The following HYDIN variants were observed in gnomAD, a reference collection of about 807,000 sequenced individuals.
HYDIN encodes HYDIN axonemal central pair apparatus protein.
In HYDIN, 132 loss-of-function variants were observed where a neutral mutation model predicts 403.9. That is an observed-to-expected ratio of 0.33 (90% confidence interval 0.28 to 0.38). The LOEUF is 0.38. HYDIN is among the 10% of genes least tolerant of loss of function. HYDIN has a pLI of 1.00. For missense variants in HYDIN, 2,827 were observed against 5,009.5 expected (o/e 0.56, Z 13.15); for synonymous variants, 1,202 against 1,891.7 (o/e 0.64, Z 9.46).
In HYDIN at chr16:71,069,613, A is replaced by G. The variant is rs900911261; in HGVS notation, c.1739-111T>C. 2.0e-5 allele frequency: 13 copies of G among 642,738 alleles called. No homozygotes were observed. In the African/African-American group the frequency reaches 2.4e-4, roughly 12 times the overall value. 39.8% of individuals were successfully genotyped at this position (642,738 alleles called of 1,614,324 possible). A position where few individuals can be genotyped will look rare whatever the true frequency, so the allele number is the denominator to read the frequency against. On this transcript the variant is annotated intron_variant, in intron 13 of 85. Transcript: ENST00000393567. ...CTTGAATGAACTGTCTGTGCTATTCATTACTACTTAACTCCAACTTGCCCT... is the reference window on the plus strand; with the variant it reads ...CTTGAATGAACTGTCTGTGCTATTCGTTACTACTTAACTCCAACTTGCCCT...
At chr16:70,898,855 T>A (rs1279580650) in intron 53 of HYDIN, among the ~76,000 whole-genome samples, 1 of 151,194 alleles carries the variant, frequency 6.6e-6, no homozygotes, top group Admixed American at 6.6e-5. Flanking sequence ...GTGATTCTCC[T>A]GCCTCAGCCT....
chr16:71,227,111 G>A (rs2041066335), intron 1 of HYDIN, among the ~76,000 whole-genome samples: 1 of 151,610 alleles, frequency 6.6e-6, no homozygotes, highest in South Asian at 2.1e-4. Context: ...TTAAATATCT[G>A]ACTTTTGTCA....
In HYDIN at chr16:70,986,221, A is replaced by G. The variant is rs1465049787; in HGVS notation, c.4195-899T>C. Among the ~76,000 whole-genome samples the G allele has an allele frequency of 3.5e-5, 5 of 143,578 alleles. No individual in the cohort carries two copies. In the East Asian group the frequency reaches 1.0e-3, roughly 29 times the overall value. The allele number at this position is 143,578 out of a possible 152,430, so 94.2% of individuals were successfully genotyped here. ...GTTCTAGAATGAACTTTTCCATTCA[A>G]ATGGAGAACCATGGGTGTAACAGGC... is the stretch of plus-strand genomic sequence containing the variant. On this transcript the variant is annotated intron_variant, in intron 27 of 85. Transcript: ENST00000393567.
chr16:71,053,563 T>C (rs541395750), intron 18 of HYDIN, among the ~76,000 whole-genome samples: 2 of 151,788 alleles, frequency 1.3e-5, no homozygotes, highest in South Asian at 4.2e-4. Flanking sequence ...AGTTGCAGAA[T>C]GTCACATACA....
At chr16:71,130,536 G>A (rs1232477504) in intron 8 of HYDIN, among the ~76,000 whole-genome samples, 126 of 138,842 alleles carry the variant, frequency 9.1e-4, no homozygotes, top group African/African-American at 2.6e-3. Flanking sequence ...GCCGGACTGC[G>A]GACTGCAGTG....
intron 19 of HYDIN, among the ~76,000 whole-genome samples, chr16:71,030,409 A>G (rs1233785556): frequency 1.3e-5 from 2 of 150,638 alleles, no homozygotes; most frequent in African/African-American, 2.4e-5. Context: ...GTATATGTAT[A>G]TGTGTGTGTT....
At chr16:71,067,560 T>A (rs974550054) in intron 14 of HYDIN, among the ~76,000 whole-genome samples, 170 bp from the exon 15 acceptor site, 2 of 148,220 alleles carry the variant, frequency 1.3e-5, no homozygotes, top group African/African-American at 4.9e-5. Context: ...CAGGGCATGC[T>A]GAGTGTTTTC....
chr16:71,005,149 T>A (rs1264197266), intron 23 of HYDIN, among the ~76,000 whole-genome samples: 3 of 152,036 alleles, frequency 2.0e-5, no homozygotes, highest in Admixed American at 6.5e-5. Flanking sequence ...ACCAGAAGAT[T>A]TTTTTTAGTG....
chr16:71,089,070 A>G (rs1424329470), intron 11 of HYDIN, among the ~76,000 whole-genome samples: 2 of 144,226 alleles, frequency 1.4e-5, no homozygotes, highest in African/African-American at 2.6e-5. Flanking sequence ...AGACATTTTC[A>G]TCTCAGATTC....
At chr16:71,186,417 G>T (rs1285477150) in intron 2 of HYDIN, among the ~76,000 whole-genome samples, 1 of 152,036 alleles carries the variant, frequency 6.6e-6, no homozygotes, top group Non-Finnish European at 1.5e-5. Context: ...TAATTAGGTT[G>T]AATCCTATGA....
At chr16:70,927,846 C>T (rs1038401800) in intron 45 of HYDIN, among the ~76,000 whole-genome samples, 1 of 151,892 alleles carries the variant, frequency 6.6e-6, no homozygotes, top group African/African-American at 2.4e-5. Context: ...GGCTGGCAAC[C>T]TAGAGGCCTG....
chr16:70,978,918 G>T lies in HYDIN; in HGVS notation c.4634C>A (p.Ala1545Asp), dbSNP rs2144011210. Residue 1545 changes from alanine to aspartate, a missense_variant, in exon 30 of 86, where the codon GCT (alanine) becomes GAT (aspartate). By Grantham distance (126) the Ala-to-Asp change is moderately radical (BLOSUM62 -2). Transcript: ENST00000393567. ...ITEEVPEDEP[A>D]EVSAHLQMEV... is the part of the protein sequence containing the mutation. ...TGCAGGCTGGAGCTGTCTTACCTCAGCAGGCTCGTCTTCTGGCACTTCCTC... is the reference window on the plus strand; with the variant it reads ...TGCAGGCTGGAGCTGTCTTACCTCATCAGGCTCGTCTTCTGGCACTTCCTC... 6.2e-7 allele frequency: 1 copy of T among 1,613,308 alleles called. No individual in the cohort carries two copies. The highest frequency in any genetic ancestry group is 1.1e-5 in the South Asian group (1 of 91,068).
intron 60 of HYDIN, among the ~76,000 whole-genome samples, chr16:70,881,488 G>A (rs892944557): frequency 6.9e-6 from 1 of 144,850 alleles, no homozygotes; most frequent in Non-Finnish European, 1.5e-5. Context: ...GGTGCCTGTA[G>A]TCCCAGCTAC....
In HYDIN at chr16:70,920,896, G is replaced by A; in HGVS notation, c.7480C>T (p.Pro2494Ser). 1 of 1,612,930 alleles carries A rather than the reference G, an allele frequency of 6.2e-7. No individual in the cohort carries two copies. Among genetic ancestry groups the A allele is most frequent in the Non-Finnish European group, 8.5e-7 (1 of 1,179,424 alleles). ...AAGGGGACCTGGCGCTGGTCGTCGG[G>A]CTCATGGGGCGCTTCCTCCATCCCT... The part of the protein sequence containing the change: ...PAGMEEAPHE[P>S]DDQRQVPLGG... The change falls in exon 46 of 86, where the codon CCC becomes TCC. Residue 2494 changes from proline (P) to serine (S), a missense_variant. Transcript: ENST00000393567.
chr16:71,049,337 A>G (rs1313508716), intron 18 of HYDIN, among the ~76,000 whole-genome samples: 1 of 152,202 alleles, frequency 6.6e-6, no homozygotes, highest in Admixed American at 6.5e-5. Flanking sequence ...AGACTGTGCC[A>G]GTGGTGGTGG....
intron 55 of HYDIN, chr16:70,894,026 C>T (rs1774428): frequency 2.6e-5 from 4 of 151,900 alleles, no homozygotes; most frequent in African/African-American, 4.9e-5. Flanking sequence ...GAGGCCAGGT[C>T]GCCCATCTCC....
intron 23 of HYDIN, among the ~76,000 whole-genome samples, chr16:71,009,468 C>T (rs1183703321): frequency 6.6e-6 from 1 of 150,778 alleles, no homozygotes; most frequent in East Asian, 2.0e-4. Flanking sequence ...AATAGAGGAT[C>T]CATTTTTAAA....
At position 70,807,755 on chromosome 16, in the gene HYDIN, C is replaced by T. The variant is rs183874188; in HGVS notation, c.15191G>A (p.Arg5064His). 3.4e-4 allele frequency: 553 copies of T among 1,614,066 alleles called. 2 individuals carry two copies. The highest frequency in any genetic ancestry group is 1.8e-3 in the Middle Eastern group (11 of 6,062). Residue 5064 changes from arginine (R) to histidine (H), a missense_variant, in exon 86 of 86, where the codon CGC becomes CAC. By Grantham distance (29) the Arg-to-His change is conservative. Transcript: ENST00000393567. The stretch of plus-strand genomic sequence containing the variant: ...CTTGGGCCGCACAGACTCTCCAGCG[C>T]GAATGGTGAAGGCTGGGTTATCCAC... ...IIVDNPAFTI[R>H]AGESVRPKKI...
chr16:71,145,752 C>T (rs1246577307), intron 7 of HYDIN, among the ~76,000 whole-genome samples: 2 of 152,120 alleles, frequency 1.3e-5, no homozygotes, highest in African/African-American at 2.4e-5. Context: ...GGAGATGAGA[C>T]GATCTGCTAT....
Sources: allele counts gnomAD v4.1 joint callset (sites outside exome capture counted in the v4.1 genomes callset), GRCh38; gene constraint gnomAD v4.1.1; transcripts MANE v1.5; gene names NCBI Gene and HGNC (gene_info 2026-07-23, HGNC 2026-07-21).